ESRRG: variants seen among roughly 807,000 people sequenced by gnomAD.
ESRRG encodes estrogen-related receptor gamma.
A neutral mutation model predicts 44.0 loss-of-function variants in ESRRG; 13 were observed. That is an observed-to-expected ratio of 0.30 (90% confidence interval 0.19 to 0.47). The LOEUF (loss-of-function observed/expected upper bound fraction) is 0.47, where lower values mean the gene tolerates loss of function less well. Ranked by LOEUF, ESRRG falls within the 20% of genes least tolerant of loss-of-function variation. The pLI, the probability that ESRRG is intolerant of heterozygous loss-of-function variation, is 1.00. For synonymous variants in ESRRG, 215 were observed against 214.6 expected, an observed-to-expected ratio of 1.00 and a Z score of -0.02; for missense variants, 395 against 580.6, an observed-to-expected ratio of 0.68 and a Z score of 3.29.
At chr1:216,549,079 C>A (rs1043802494) in intron 5 of ESRRG, among the ~76,000 whole-genome samples, 1 of 152,066 alleles carries the variant, frequency 6.6e-6, no homozygotes, top group African/African-American at 2.4e-5. Flanking sequence ...ATGACTATTT[C>A]AAGTGCCACC....
intron 3 of ESRRG, among the ~76,000 whole-genome samples, chr1:216,590,468 T>C (rs2057462341): frequency 6.6e-6 from 1 of 152,212 alleles, no homozygotes; most frequent in Non-Finnish European, 1.5e-5. Flanking sequence ...CAAAATAATT[T>C]GGATGAATAC....
chr1:216,750,359 CT>C (rs2091890329), intron 2 of ESRRG, among the ~76,000 whole-genome samples: 2 of 152,096 alleles, frequency 1.3e-5, no homozygotes. Context: ...AGAAAGCTAC[CT>C]CTTTTCTTTC....
intron 1 of ESRRG, among the ~76,000 whole-genome samples, chr1:216,692,064 A>G (rs930119112): frequency 1.3e-5 from 2 of 152,182 alleles, no homozygotes; most frequent in East Asian, 3.9e-4. Context: ...TTATGTATTT[A>G]CTATACTTTT....
At chr1:216,526,852 C>A (rs575398082) in intron 5 of ESRRG, among the ~76,000 whole-genome samples, 1 of 152,106 alleles carries the variant, frequency 6.6e-6, no homozygotes, top group Non-Finnish European at 1.5e-5. Flanking sequence ...ATCTCTGCCA[C>A]CAAAGAACTG....
chr1:217,074,694 G>A (rs1346936535), intron 1 of ESRRG, among the ~76,000 whole-genome samples: 1 of 152,006 alleles, frequency 6.6e-6, no homozygotes, highest in African/African-American at 2.4e-5. Context: ...AAAAAATTGA[G>A]CCCAGGAGTT....
chr1:217,098,707 G>A (rs2092460893), intron 1 of ESRRG, among the ~76,000 whole-genome samples: 1 of 152,150 alleles, frequency 6.6e-6, no homozygotes, highest in African/African-American at 2.4e-5. Context: ...TTTCCAGCAG[G>A]CTTTTTCAAA....
At chr1:216,528,598 T>C (rs2048376865) in intron 5 of ESRRG, among the ~76,000 whole-genome samples, 1 of 152,200 alleles carries the variant, frequency 6.6e-6, no homozygotes, top group African/African-American at 2.4e-5. Flanking sequence ...GCTCATTGCT[T>C]CTTTCTACTT....
At position 216,505,547 on chromosome 1, in the gene ESRRG, A is replaced by G. The variant is rs1360205336; in HGVS notation, c.*1392T>C. On this transcript the variant is annotated 3_prime_UTR_variant, in exon 7 of 7. Coordinates refer to ENST00000408911, the MANE Select transcript of ESRRG (RefSeq NM_001438.4). The stretch of plus-strand genomic sequence containing the variant: ...AGGCAAGGTCTGTGACTTTGCAAAC[A>G]GGCAGTATCACATTCCTAACCACCA... 16 of 152,558 alleles carry G rather than the reference A, an allele frequency of 1.0e-4. 1 individual carries two copies. The highest frequency in any genetic ancestry group is 9.2e-4 in the Admixed American group (14 of 15,270). The allele number at this position is 152,558 out of a possible 1,614,324, so 9.5% of individuals were successfully genotyped here.
intron 3 of ESRRG, among the ~76,000 whole-genome samples, chr1:216,573,857 A>G (rs2061256902): frequency 6.6e-6 from 1 of 152,066 alleles, no homozygotes; most frequent in African/African-American, 2.4e-5. Flanking sequence ...TAATACCTTT[A>G]AAATATTCAA....
At chr1:216,904,240 C>T (rs766649824) in intron 2 of ESRRG, among the ~76,000 whole-genome samples, 3 of 151,114 alleles carry the variant, frequency 2.0e-5, no homozygotes, top group Non-Finnish European at 4.4e-5. Context: ...TTAATAATTT[C>T]TTAATTCTCT....
intron 1 of ESRRG, among the ~76,000 whole-genome samples, chr1:216,952,461 T>G (rs1302302397): frequency 6.6e-6 from 1 of 152,148 alleles, no homozygotes; most frequent in Non-Finnish European, 1.5e-5. Context: ...CTTATTGCAT[T>G]CCTGAATCTT....
intron 5 of ESRRG, among the ~76,000 whole-genome samples, chr1:216,523,847 A>G (rs1271049493): frequency 1.0e-5 from 1 of 96,428 alleles, no homozygotes; most frequent in Non-Finnish European, 1.8e-5. Flanking sequence ...TCTGTTCCAC[A>G]AAAAAAAAAA....
chr1:216,672,329 T>G (rs2151421236), intron 2 of ESRRG, among the ~76,000 whole-genome samples: 1 of 152,366 alleles, frequency 6.6e-6, no homozygotes, highest in South Asian at 2.1e-4. Context: ...CAATAGTTTT[T>G]CAATGATAAC....
chr1:216,536,872 G>T (rs1036648921), intron 5 of ESRRG, among the ~76,000 whole-genome samples: 1 of 151,884 alleles, frequency 6.6e-6, no homozygotes, highest in African/African-American at 2.4e-5. Context: ...AGCAGGCAGT[G>T]GTATAATACT....
intron 3 of ESRRG, among the ~76,000 whole-genome samples, chr1:216,587,773 T>C (rs1194287111): frequency 6.6e-6 from 1 of 152,158 alleles, no homozygotes; most frequent in Non-Finnish European, 1.5e-5. Context: ...TCCTTAGTAA[T>C]AAACCTTCTT....
At chr1:216,961,696 C>A (rs2069118107) in intron 1 of ESRRG, among the ~76,000 whole-genome samples, 1 of 151,530 alleles carries the variant, frequency 6.6e-6, no homozygotes, top group African/African-American at 2.4e-5. Context: ...TTGCTTTAAA[C>A]AAAGGCTACT....
intron 2 of ESRRG, among the ~76,000 whole-genome samples, chr1:216,664,002 G>A (rs1208742949): frequency 6.6e-6 from 1 of 152,036 alleles, no homozygotes; most frequent in Non-Finnish European, 1.5e-5. Flanking sequence ...ATTGCAAAGC[G>A]TTTAGGTATT....
chr1:217,112,836 A>T (rs2092675237), intron 1 of ESRRG, among the ~76,000 whole-genome samples: 4 of 152,196 alleles, frequency 2.6e-5, no homozygotes. Context: ...CAGCCACATG[A>T]AGGGCTTTCT....
intron 1 of ESRRG, among the ~76,000 whole-genome samples, chr1:217,120,159 C>T (rs1473609010): frequency 1.3e-5 from 2 of 152,074 alleles, no homozygotes; most frequent in African/African-American, 4.8e-5. Context: ...AAACTCTCTC[C>T]AAACTAATTT....
Sources: allele counts gnomAD v4.1 joint callset (sites outside exome capture counted in the v4.1 genomes callset), GRCh38; gene constraint gnomAD v4.1.1; transcripts MANE v1.5; gene names NCBI Gene and HGNC (gene_info 2026-07-23, HGNC 2026-07-21).